CHRM3: variants seen among roughly 807,000 people sequenced by gnomAD.
The protein encoded by CHRM3 is muscarinic acetylcholine receptor M3.
Under a neutral mutation model 41.8 loss-of-function variants are expected in CHRM3, and 11 were observed. The ratio of observed to expected loss-of-function variants is 0.26; its 90% CI spans 0.17 to 0.44. CHRM3 has a LOEUF of 0.44. CHRM3 is among the 20% of genes least tolerant of loss of function. The pLI, the probability that CHRM3 is intolerant of heterozygous loss-of-function variation, is 1.00. For missense variants in CHRM3, 571 were observed against 745.4 expected (o/e 0.77, Z 2.72); for synonymous variants, 297 against 301.4 (o/e 0.99, Z 0.15).
chr1:239,618,723 A>T (rs1441635738), intron 3 of CHRM3, among the ~76,000 whole-genome samples: 2 of 149,040 alleles, frequency 1.3e-5, no homozygotes, highest in Admixed American at 6.7e-5. Flanking sequence ...AGCCACCTGT[A>T]GTCCCAGCTA....
At chr1:239,470,473 G>A (rs190316634) in intron 1 of CHRM3, among the ~76,000 whole-genome samples, 187 of 152,292 alleles carry the variant, frequency 1.2e-3, no homozygotes, top group Non-Finnish European at 1.7e-3. Context: ...AAATGTTACC[G>A]TGTGGGCCTT....
intron 6 of CHRM3, among the ~76,000 whole-genome samples, chr1:239,905,680 T>C (rs1679913219): frequency 6.6e-6 from 1 of 152,166 alleles, no homozygotes; most frequent in Admixed American, 6.5e-5. Flanking sequence ...CACTCCAGTC[T>C]GGGCAAGACT....
intron 3 of CHRM3, among the ~76,000 whole-genome samples, chr1:239,609,057 T>G (rs1666692123): frequency 6.6e-6 from 1 of 152,086 alleles, no homozygotes; most frequent in Admixed American, 6.6e-5. Flanking sequence ...CATGTGAAAA[T>G]CATCAACAAA....
At chr1:239,535,329 C>T (rs12074573) in intron 2 of CHRM3, among the ~76,000 whole-genome samples, 75 of 151,994 alleles carry the variant, frequency 4.9e-4, no homozygotes, top group African/African-American at 1.5e-3. Flanking sequence ...TCATACCTAA[C>T]GCAAAAACCT....
intron 1 of CHRM3, among the ~76,000 whole-genome samples, chr1:239,435,161 T>A (rs961486531): frequency 6.6e-6 from 1 of 152,012 alleles, no homozygotes; most frequent in Non-Finnish European, 1.5e-5. Context: ...CAATAGAAAG[T>A]TCTCCCACAG....
At chr1:239,813,660 G>C (rs1457533564) in intron 5 of CHRM3, among the ~76,000 whole-genome samples, 3 of 151,346 alleles carry the variant, frequency 2.0e-5, no homozygotes, top group African/African-American at 7.3e-5. Context: ...GCTCACGCCT[G>C]TAATCCCAGC....
At chr1:239,498,672 C>A (rs1021719322) in intron 2 of CHRM3, among the ~76,000 whole-genome samples, 1 of 152,138 alleles carries the variant, frequency 6.6e-6, no homozygotes, top group South Asian at 2.1e-4. Flanking sequence ...CATTACCTTA[C>A]TATCATGAAC....
At chr1:239,553,166 A>G (rs1337851902) in intron 3 of CHRM3, among the ~76,000 whole-genome samples, 1 of 152,146 alleles carries the variant, frequency 6.6e-6, no homozygotes, top group Non-Finnish European at 1.5e-5. Context: ...AAGACTTTGT[A>G]AGGAAGTCAG....
chr1:239,820,200 G>A (rs1671925811), intron 5 of CHRM3, among the ~76,000 whole-genome samples: 1 of 152,174 alleles, frequency 6.6e-6, no homozygotes, highest in Non-Finnish European at 1.5e-5. Flanking sequence ...TGCACACAGG[G>A]AGAATCACAG....
chr1:239,780,670 A>G (rs562809592), intron 5 of CHRM3, among the ~76,000 whole-genome samples: 17 of 152,330 alleles, frequency 1.1e-4, no homozygotes, highest in Middle Eastern at 6.8e-3. Context: ...TGTTGTATCA[A>G]AAAAGTCATC....
At chr1:239,444,302 A>G (rs1351611793) in intron 1 of CHRM3, among the ~76,000 whole-genome samples, 1 of 152,234 alleles carries the variant, frequency 6.6e-6, no homozygotes, top group Non-Finnish European at 1.5e-5. Flanking sequence ...AAAGTGTTAA[A>G]GAACACACAT....
intron 5 of CHRM3, among the ~76,000 whole-genome samples, chr1:239,747,455 G>T (rs1351246898): frequency 6.6e-6 from 1 of 152,182 alleles, no homozygotes; most frequent in Non-Finnish European, 1.5e-5. Context: ...TAGGAGGTTT[G>T]CATGTTGTAA....
At chr1:239,418,058 A>G (rs1441347859) in intron 1 of CHRM3, among the ~76,000 whole-genome samples, 1 of 152,218 alleles carries the variant, frequency 6.6e-6, no homozygotes, top group East Asian at 1.9e-4. Flanking sequence ...GCTAAAATGT[A>G]TATACATTTA....
chr1:239,759,690 GC>G (rs1300322075), intron 5 of CHRM3, among the ~76,000 whole-genome samples: 1 of 152,132 alleles, frequency 6.6e-6, no homozygotes, highest in Non-Finnish European at 1.5e-5. Context: ...ATGTGGTCAT[GC>G]CAAGTTTTGC....
intron 2 of CHRM3, among the ~76,000 whole-genome samples, chr1:239,513,269 T>A (rs1027567003): frequency 6.6e-6 from 1 of 152,244 alleles, no homozygotes; most frequent in Admixed American, 6.5e-5. Flanking sequence ...ATCTGCCTTT[T>A]AAAATTTTGT....
Position 239,909,961 on chromosome 1 carries a change from T to C in CHRM3, c.*737T>C, listed in dbSNP as rs1267583704. ...CAGTACTTTGGTAACTGAAGTTCTC[T>C]AGGATCCTAATGCAACATTAACGTG... On this transcript the variant is annotated 3_prime_UTR_variant, in exon 7 of 7. Coordinates refer to ENST00000676153, the MANE Select transcript of CHRM3 (RefSeq NM_001375978.1). 1 of 167,088 alleles carries C rather than the reference T, an allele frequency of 6.0e-6. No individual in the cohort carries two copies. Among genetic ancestry groups the C allele is most frequent in the Non-Finnish European group, 1.5e-5 (1 of 68,126 alleles). 10.4% of individuals were successfully genotyped at this position (167,088 alleles called of 1,614,324 possible).
intron 5 of CHRM3, among the ~76,000 whole-genome samples, chr1:239,772,493 T>C (rs1330703130): frequency 2.0e-5 from 3 of 152,206 alleles, no homozygotes; most frequent in Non-Finnish European, 4.4e-5. Context: ...TTGTGTATTA[T>C]AGTTATCTTA....
chr1:239,688,801 TATA>T (rs1281724001), intron 5 of CHRM3, among the ~76,000 whole-genome samples: 126 of 139,706 alleles, frequency 9.0e-4, no homozygotes, highest in Non-Finnish European at 3.0e-4. Context: ...CAATATTATA[TATA>T]ATACATTATT....
At chr1:239,767,513 G>T (rs1667320038) in intron 5 of CHRM3, among the ~76,000 whole-genome samples, 1 of 152,088 alleles carries the variant, frequency 6.6e-6, no homozygotes, top group Non-Finnish European at 1.5e-5. Flanking sequence ...ATTCTCCTTT[G>T]ATTGTAGCAC....
Sources: allele counts gnomAD v4.1 joint callset (sites outside exome capture counted in the v4.1 genomes callset), GRCh38; gene constraint gnomAD v4.1.1; transcripts MANE v1.5; gene names NCBI Gene and HGNC (gene_info 2026-07-23, HGNC 2026-07-21).